Variants in TMEM33 observed in about 807,000 individuals in gnomAD.
The protein encoded by TMEM33 is transmembrane protein 33.
In TMEM33, 16 loss-of-function variants were observed where a neutral mutation model predicts 29.7. The observed-to-expected ratio is 0.54, with a 90% CI of 0.36 to 0.82. The LOEUF (loss-of-function observed/expected upper bound fraction) is 0.82, where lower values mean the gene tolerates loss of function less well. TMEM33 is among the 40% of genes least tolerant of loss of function. TMEM33 has a pLI of 0.00. For missense variants in TMEM33, 252 were observed against 295.3 expected (o/e 0.85, Z 1.08); for synonymous variants, 112 against 109.4 (o/e 1.02, Z -0.15).
In TMEM33 at chr4:41,960,064, G is replaced by C. The variant is rs1389080118; in HGVS notation, c.*5865G>C. 1 of 152,106 alleles carries C rather than the reference G, an allele frequency of 6.6e-6. No homozygotes were observed. Among genetic ancestry groups the C allele is most frequent in the African/African-American group, 2.4e-5 (1 of 41,422 alleles). The allele number at this position is 152,106 out of a possible 1,614,324, so 9.4% of individuals were successfully genotyped here. On this transcript the variant is annotated 3_prime_UTR_variant, in exon 7 of 7. Coordinates refer to ENST00000504986, the MANE Select transcript of TMEM33 (RefSeq NM_018126.3). ...GTATTCAAGACCAAAGCACATAAATGCTAATGTAGGGCTCAGAGGGGAAAT... is the reference window on the plus strand; with the variant it reads ...GTATTCAAGACCAAAGCACATAAATCCTAATGTAGGGCTCAGAGGGGAAAT...
rs915245078 is a variant in TMEM33 at position 41,955,488 on chromosome 4, C to A, written c.*1289C>A. 8 of 152,544 alleles carry A rather than the reference C, an allele frequency of 5.2e-5. No homozygotes were observed. Among genetic ancestry groups the A allele is most frequent in the African/African-American group, 1.9e-4 (8 of 41,432 alleles). The allele number at this position is 152,544 out of a possible 1,614,324, so 9.4% of individuals were successfully genotyped here. Reference sequence around the variant, plus strand: ...TAGAGAAATGTAATGGTTTTTGTGACCAGTTTCTGTCTGCATGTAATTTGG... The same window carrying A: ...TAGAGAAATGTAATGGTTTTTGTGAACAGTTTCTGTCTGCATGTAATTTGG... On this transcript the variant is annotated 3_prime_UTR_variant, in exon 7 of 7. Coordinates refer to ENST00000504986, the MANE Select transcript of TMEM33 (RefSeq NM_018126.3).
chr4:41,939,879 G>C (rs1026158953), intron 3 of TMEM33: 1 of 427,726 alleles, frequency 2.3e-6, no homozygotes, highest in Non-Finnish European at 4.6e-6. Context: ...GTATAGAGTA[G>C]AAAATAAGGA....
chr4:41,959,061 A>T lies in TMEM33; in HGVS notation c.*4862A>T, dbSNP rs1713384165. The T allele has an allele frequency of 6.6e-6, 1 of 152,178 alleles. No homozygotes were observed. The highest frequency in any genetic ancestry group is 1.5e-5 in the Non-Finnish European group (1 of 68,034). The allele number at this position is 152,178 out of a possible 1,614,324, so 9.4% of individuals were successfully genotyped here. Reference sequence around the variant, plus strand: ...TAACTCATTGGAATTCTCTAGGATTAGGAGAATTCCACAGAGCCTATATGA... The same window carrying T: ...TAACTCATTGGAATTCTCTAGGATTTGGAGAATTCCACAGAGCCTATATGA... On this transcript the variant is annotated 3_prime_UTR_variant, in exon 7 of 7. Transcript: ENST00000504986.
In TMEM33 at chr4:41,954,622, C is replaced by A. The variant is rs1713184721; in HGVS notation, c.*423C>A. On this transcript the variant is annotated 3_prime_UTR_variant, in exon 7 of 7. Transcript: ENST00000504986. ...CAGTACATTTTGAGACAGTATTCTA[C>A]CATTCAGTAATTTTGGTTAATGATT... 3 of 153,312 alleles carry A rather than the reference C, an allele frequency of 2.0e-5. No homozygotes were observed. Among genetic ancestry groups the A allele is most frequent in the Admixed American group, 6.5e-5 (1 of 15,424 alleles). 9.5% of individuals were successfully genotyped at this position (153,312 alleles called of 1,614,324 possible). A position where few individuals can be genotyped will look rare whatever the true frequency, so the allele number is the denominator to read the frequency against.
intron 2 of TMEM33, among the ~76,000 whole-genome samples, chr4:41,938,936 G>A (rs1712381636): frequency 6.6e-6 from 1 of 152,148 alleles, no homozygotes; most frequent in African/African-American, 2.4e-5. Flanking sequence ...AATGAGATAA[G>A]TTCATGTTTT....
At chr4:41,947,957 G>A (rs1359006974) in intron 5 of TMEM33, among the ~76,000 whole-genome samples, 3 of 152,172 alleles carry the variant, frequency 2.0e-5, no homozygotes, top group African/African-American at 7.2e-5. Context: ...TTAGTACGGA[G>A]TTTGTTACAT....
At chr4:41,946,705 A>G (rs1175396475) in intron 5 of TMEM33, among the ~76,000 whole-genome samples, 1 of 152,204 alleles carries the variant, frequency 6.6e-6, no homozygotes, top group African/African-American at 2.4e-5. Flanking sequence ...GGGACAGCAG[A>G]AAAAGGGACA....
At chr4:41,935,188 G>A (rs544084972), upstream of TMEM33, 25 of 535,186 alleles carry the variant, frequency 4.7e-5, no homozygotes, top group South Asian at 4.9e-4. Context: ...TGGCTCTTTA[G>A]GGCTTCACCC....
intron 5 of TMEM33, among the ~76,000 whole-genome samples, chr4:41,946,762 C>A (rs1277290999): frequency 8.4e-6 from 1 of 119,374 alleles, no homozygotes; most frequent in Non-Finnish European, 1.9e-5. Context: ...GTTTTTCTTT[C>A]CACCTCTTTC....
chr4:41,950,685 T>G (rs1438403312), intron 6 of TMEM33, among the ~76,000 whole-genome samples: 2 of 152,196 alleles, frequency 1.3e-5, no homozygotes, highest in Non-Finnish European at 2.9e-5. Context: ...ACATTCATTT[T>G]TACTTGATTT....
At chr4:41,953,343 C>G (rs939432076) in intron 6 of TMEM33, among the ~76,000 whole-genome samples, 4 of 152,232 alleles carry the variant, frequency 2.6e-5, no homozygotes, top group Non-Finnish European at 5.9e-5. Context: ...TTTTCCAGTG[C>G]ATACAGAAGT....
chr4:41,948,844 T>G (rs1712908226), intron 5 of TMEM33, among the ~76,000 whole-genome samples: 2 of 152,196 alleles, frequency 1.3e-5, no homozygotes, highest in African/African-American at 4.8e-5. Flanking sequence ...AATTGTGTTT[T>G]TTAACCAAGA....
In TMEM33 at chr4:41,955,422, T is replaced by C. The variant is rs757299705; in HGVS notation, c.*1223T>C. The C allele has an allele frequency of 2.0e-5, 3 of 152,526 alleles. No individual in the cohort carries two copies. Among genetic ancestry groups the C allele is most frequent in the Non-Finnish European group, 2.9e-5 (2 of 68,036 alleles). 9.4% of individuals were successfully genotyped at this position (152,526 alleles called of 1,614,324 possible). On this transcript the variant is annotated 3_prime_UTR_variant, in exon 7 of 7. Transcript: ENST00000504986. The stretch of plus-strand genomic sequence containing the variant: ...AATTCATGCTGATCTTCATTACCGT[T>C]GCATGATTGGAAATGTTTAAAACAT...
rs147689209 is a variant in TMEM33, at chr4:41,935,505, C to A, written c.21C>A (p.Asn7Lys). 2 of 1,609,820 alleles carry A rather than the reference C, an allele frequency of 1.2e-6. No homozygotes were observed. The highest frequency in any genetic ancestry group is 1.7e-6 in the Non-Finnish European group (2 of 1,178,240). ...CCCCCATGGCAGATACGACCCCGAA[C>A]GGCCCCCAAGGGGCGGGCGCTGTGG... MADTTP[N>K]GPQGAGAVQF... The change falls in exon 1 of 7, where the codon AAC becomes AAA. Residue 7 changes from asparagine (N) to lysine (K), a missense_variant. Transcript: ENST00000504986.
intron 6 of TMEM33, among the ~76,000 whole-genome samples, chr4:41,951,669 A>G (rs374250573): frequency 1.5e-4 from 23 of 152,330 alleles, no homozygotes; most frequent in African/African-American, 5.1e-4. Flanking sequence ...TTAGACAGCT[A>G]TGTAAGTCAG....
In TMEM33 at chr4:41,935,448, C is replaced by T. The variant is rs750149202; in HGVS notation, c.-37C>T. ...TTTTCTCTCCCCTTTCTTCTCTCTT[C>T]GCGGTTGCGGCGTCGCAGACGCTAG... On this transcript the variant is annotated 5_prime_UTR_variant, in exon 1 of 7. Transcript: ENST00000504986. 1 of 1,590,484 alleles carries T rather than the reference C, an allele frequency of 6.3e-7. No individual in the cohort carries two copies. The highest frequency in any genetic ancestry group is 8.6e-7 in the Non-Finnish European group (1 of 1,167,924).
chr4:41,945,341 G>C (rs1321609924), intron 5 of TMEM33, among the ~76,000 whole-genome samples: 24 of 152,116 alleles, frequency 1.6e-4, no homozygotes, highest in Non-Finnish European at 1.5e-5. Context: ...CATGAATAAA[G>C]AAAGCCATCC....
At chr4:41,935,552 C>A in intron 1 of TMEM33, 23 bp downstream of exon 1, 1 of 1,596,478 alleles carries the variant, frequency 6.3e-7, no homozygotes, top group Non-Finnish European at 8.5e-7. Context: ...GCAGGGTAGT[C>A]TGGCTTGATT....
Position 41,959,865 on chromosome 4 carries a change from A to G in TMEM33, c.*5666A>G, listed in dbSNP as rs1417434031. 2 of 152,196 alleles carry G rather than the reference A, an allele frequency of 1.3e-5. No homozygotes were observed. The highest frequency in any genetic ancestry group is 4.8e-5 in the African/African-American group (2 of 41,460). The allele number at this position is 152,196 out of a possible 1,614,324, so 9.4% of individuals were successfully genotyped here. A position where few individuals can be genotyped will look rare whatever the true frequency, so the allele number is the denominator to read the frequency against. On this transcript the variant is annotated 3_prime_UTR_variant, in exon 7 of 7. Coordinates refer to ENST00000504986, the MANE Select transcript of TMEM33 (RefSeq NM_018126.3). Reference sequence around the variant, plus strand: ...GGCATTACTTTTGGTGCTTTATATAATGGCATATATTGAACTAAAAATTTG... The same window carrying G: ...GGCATTACTTTTGGTGCTTTATATAGTGGCATATATTGAACTAAAAATTTG...
Sources: gnomAD v4.1 joint callset for allele counts (sites outside exome capture counted in the v4.1 genomes callset) on GRCh38, gnomAD v4.1.1 for gene constraint, MANE v1.5 for transcripts, NCBI Gene and HGNC (gene_info 2026-07-23, HGNC 2026-07-21) for gene names.